The following SECISBP2 variants were observed in gnomAD, a reference collection of about 807,000 sequenced individuals.
The protein encoded by SECISBP2 is SECIS binding protein 2.
In SECISBP2, 96 loss-of-function variants were observed where a neutral mutation model predicts 98.2. The ratio of observed to expected loss-of-function variants is 0.98; its 90% CI spans 0.83 to 1.16. SECISBP2 has a LOEUF of 1.16. Ranked by LOEUF, SECISBP2 falls within the 50% of genes most tolerant of loss-of-function variation. The pLI is 0.00. For missense variants in SECISBP2, 1,046 were observed against 1,022.9 expected (o/e 1.02, Z -0.31); for synonymous variants, 407 against 370.2 (o/e 1.10, Z -1.14).
chr9:89,363,970 C>G (rs1833167201), downstream of SECISBP2: 1 of 1,613,888 alleles, frequency 6.2e-7, no homozygotes, highest in South Asian at 1.1e-5. Flanking sequence ...CAGACCGTTT[C>G]CACCTCTGAG....
chr9:89,323,927 A>C (rs1826234635), intron 2 of SECISBP2: 1 of 152,190 alleles, frequency 6.6e-6, no homozygotes, highest in African/African-American at 2.4e-5. Context: ...CTAGGACCCC[A>C]ACCAAGGTCT....
chr9:89,356,186 A>G (rs570807538), intron 14 of SECISBP2, among the ~76,000 whole-genome samples: 14 of 152,300 alleles, frequency 9.2e-5, no homozygotes, highest in Non-Finnish European at 1.6e-4. Context: ...TAGGAGCACA[A>G]ACTCTGTTGT....
At chr9:89,318,963 G>C (rs1413207189) in intron 1 of SECISBP2, 1 of 1,118,858 alleles carries the variant, frequency 8.9e-7, no homozygotes, top group Non-Finnish European at 1.1e-6. Flanking sequence ...AGGATCCTGC[G>C]TTTTTCTGAA....
chr9:89,362,141 G>C (rs1404823990), downstream of SECISBP2: 4 of 589,222 alleles, frequency 6.8e-6, no homozygotes, highest in Non-Finnish European at 1.2e-5. Context: ...TTACCTGCTT[G>C]TGCCAGACAG....
intron 5 of SECISBP2, chr9:89,330,020 T>C (rs1022854352): frequency 2.6e-5 from 4 of 152,244 alleles, no homozygotes; most frequent in Non-Finnish European, 5.9e-5. Flanking sequence ...TCCAGTAACA[T>C]TTTCTTCACC....
rs760406547 is a variant in SECISBP2 at position 89,350,667 on chromosome 9, C to G, written c.1928C>G (p.Ala643Gly). 3.1e-6 allele frequency: 5 copies of G among 1,614,170 alleles called. No individual in the cohort carries two copies. The Admixed American group carries it at 5.0e-5, about 16-fold the overall frequency. Residue 643 changes from alanine (A) to glycine (G), a missense_variant, in exon 14 of 17, where the codon GCT becomes GGT. Transcript: ENST00000375807. ...CAGATGCTTAGTAAAGAAGTGGATG[C>G]TTGTGTTACCGACCTACTCAAAGAA... ...CSQMLSKEVD[A>G]CVTDLLKELV...
chr9:89,323,215 T>C (rs1421199147), intron 2 of SECISBP2: 1 of 152,218 alleles, frequency 6.6e-6, no homozygotes, highest in African/African-American at 2.4e-5. Flanking sequence ...ACGTGCTGAA[T>C]TGGGAAAAAG....
In SECISBP2 at chr9:89,359,199, G is replaced by C; in HGVS notation, c.*375G>C. 1 of 331,418 alleles carries C rather than the reference G, an allele frequency of 3.0e-6. No homozygotes were observed. The highest frequency in any genetic ancestry group is 5.8e-6 in the Non-Finnish European group (1 of 172,336). The allele number at this position is 331,418 out of a possible 1,614,324, so 20.5% of individuals were successfully genotyped here. A position where few individuals can be genotyped will look rare whatever the true frequency, so the allele number is the denominator to read the frequency against. ...TGAGTTTGCAGAAAGCAGGTGGTGA[G>C]CTCCTGCCTGCTGGAGGTTGCCATG... On this transcript the variant is annotated 3_prime_UTR_variant, in exon 17 of 17. Coordinates refer to ENST00000375807, the MANE Select transcript of SECISBP2 (RefSeq NM_024077.5).
intron 6 of SECISBP2, chr9:89,334,032 T>A: frequency 9.4e-7 from 1 of 1,058,366 alleles, no homozygotes; most frequent in African/African-American, 1.7e-5. Flanking sequence ...TAGAGTTTCA[T>A]GGGCACCTAA....
Position 89,325,973 on chromosome 9 carries a change from C to G in SECISBP2, c.509C>G (p.Ser170Cys), listed in dbSNP as rs1210519796. Reference sequence around the variant, plus strand: ...GAAAGGGCTGATGGAACTATATCATCTGAGATAAAATCAGCTAGAGGTTCA... The same window carrying G: ...GAAAGGGCTGATGGAACTATATCATGTGAGATAAAATCAGCTAGAGGTTCA... ...DSERADGTIS[S>C]EIKSARGSHH... Residue 170 changes from serine (S) to cysteine (C), a missense_variant, in exon 4 of 17, where the codon TCT becomes TGT. Transcript: ENST00000375807. 6.2e-7 allele frequency: 1 copy of G among 1,613,928 alleles called. No individual in the cohort carries two copies. The highest frequency in any genetic ancestry group is 1.1e-5 in the South Asian group (1 of 91,084).
chr9:89,347,170 T>A, intron 11 of SECISBP2, 122 bp downstream of exon 11: 1 of 973,692 alleles, frequency 1.0e-6, no homozygotes, highest in Non-Finnish European at 1.6e-6. Context: ...TATGTTGTAG[T>A]AAAACGTGTT....
chr9:89,352,795 A>G (rs968912505), intron 14 of SECISBP2, among the ~76,000 whole-genome samples: 3 of 147,418 alleles, frequency 2.0e-5, no homozygotes, highest in East Asian at 2.0e-4. Context: ...TACTTCTGAT[A>G]TTATTTTTAT....
intron 2 of SECISBP2, among the ~76,000 whole-genome samples, chr9:89,320,003 A>G (rs538639284): frequency 1.1e-4 from 16 of 152,116 alleles, no homozygotes; most frequent in African/African-American, 3.4e-4. Context: ...TTTTTTCTTC[A>G]TACTCATTGT....
chr9:89,358,815 G>C lies in SECISBP2; in HGVS notation c.2556G>C (p.Leu852Phe). 6.2e-7 allele frequency: 1 copy of C among 1,607,508 alleles called. No individual in the cohort carries two copies. The highest frequency in any genetic ancestry group is 8.5e-7 in the Non-Finnish European group (1 of 1,174,090). ...CTTCAACCTCTCAAATGATGAATTT[G>C]AATTTATGAGAGTTCTTGCCTGTGT... The part of the protein sequence containing the change: ...LEASTSQMMN[L>F]NL Residue 852 changes from leucine to phenylalanine, a missense_variant, in exon 17 of 17, where the codon TTG becomes TTC. Transcript: ENST00000375807.
chr9:89,362,076 C>G, downstream of SECISBP2: 1 of 519,864 alleles, frequency 1.9e-6, no homozygotes, highest in Admixed American at 3.2e-5. Context: ...GGAACCTGCA[C>G]ACACCCTGCT....
the SECISBP2 span, chr9:89,365,283 G>A: frequency 6.6e-6 from 1 of 152,518 alleles, no homozygotes; most frequent in African/African-American, 2.4e-5. Context: ...GCTCCTGCTT[G>A]TGGTGGGGCT....
chr9:89,322,582 A>G (rs1167552317), intron 2 of SECISBP2: 3 of 152,240 alleles, frequency 2.0e-5, no homozygotes, highest in South Asian at 2.1e-4. Context: ...TGCTGCTGCT[A>G]TTGACAAGAG....
At chr9:89,364,068 C>G, downstream of SECISBP2, 2 of 1,589,706 alleles carry the variant, frequency 1.3e-6, no homozygotes, top group South Asian at 2.3e-5. Flanking sequence ...TGACTTGGGA[C>G]AACTTCCAAT....
Position 89,319,707 on chromosome 9 carries a change from A to T in SECISBP2, c.92A>T (p.Asn31Ile). 1 of 1,614,194 alleles carries T rather than the reference A, an allele frequency of 6.2e-7. No homozygotes were observed. Among genetic ancestry groups the T allele is most frequent in the Non-Finnish European group, 8.5e-7 (1 of 1,180,024 alleles). The change falls in exon 2 of 17, where the codon AAT becomes ATT. Residue 31 changes from asparagine (N) to isoleucine (I), a missense_variant. By Grantham distance (149) the Asn-to-Ile change is moderately radical (BLOSUM62 -3). Coordinates refer to ENST00000375807, the MANE Select transcript of SECISBP2 (RefSeq NM_024077.5). ...TTTGTCCCCAGATTTGCCGGGCTCA[A>T]TGTGGCATGGTTAGAGTCCTCAGAA... ...KPFVPRFAGLNVAWLESSEAC... is the reference protein window; with the variant it reads ...KPFVPRFAGLIVAWLESSEAC...
Sources: allele counts gnomAD v4.1 joint callset (sites outside exome capture counted in the v4.1 genomes callset), GRCh38; gene constraint gnomAD v4.1.1; transcripts MANE v1.5; gene names NCBI Gene and HGNC (gene_info 2026-07-23, HGNC 2026-07-21).